The following ATCAY variants were observed in gnomAD, a reference collection of about 807,000 sequenced individuals.
ATCAY encodes ATCAY kinesin light chain interacting caytaxin.
ATCAY carries 22 observed loss-of-function variants against 47.7 expected under a neutral mutation model. The observed-to-expected ratio is 0.46, with a 90% CI of 0.33 to 0.66. The LOEUF (loss-of-function observed/expected upper bound fraction) is 0.66. Ranked by LOEUF, ATCAY falls within the 30% of genes least tolerant of loss-of-function variation. The probability of loss-of-function intolerance (pLI) is 0.02; values close to 1 mark genes in which losing one functional copy is unlikely to be tolerated. For missense variants in ATCAY, 452 were observed against 515.0 expected, an observed-to-expected ratio of 0.88 and a Z score of 1.18; for synonymous variants, 216 against 207.6, an observed-to-expected ratio of 1.04 and a Z score of -0.35.
At chr19:3,885,957 G>A in intron 2 of ATCAY, 113 bp downstream of exon 2, 1 of 1,034,128 alleles carries the variant, frequency 9.7e-7, no homozygotes, top group East Asian at 3.0e-5. Context: ...GGGCTGGCCT[G>A]GTTCCATCTC....
At chr19:3,911,159 G>A (rs997433115) in intron 8 of ATCAY, among the ~76,000 whole-genome samples, 9 of 152,074 alleles carry the variant, frequency 5.9e-5, no homozygotes, top group South Asian at 2.1e-4. Flanking sequence ...TGGGAGGATC[G>A]TTTGAGGCCA....
rs2038916098 is a variant in ATCAY at position 3,910,810 on chromosome 19, A to G, written c.787A>G (p.Lys263Glu). The G allele has an allele frequency of 6.2e-7, 1 of 1,613,854 alleles. No homozygotes were observed. The highest frequency in any genetic ancestry group is 2.2e-5 in the East Asian group (1 of 44,896). Residue 263 changes from lysine to glutamate, a missense_variant, in exon 8 of 13, where the codon AAA becomes GAA. Transcript: ENST00000450849. The stretch of plus-strand genomic sequence containing the variant: ...CTTTGCGGCCCCACACAGGTTGCGG[A>G]AAAACCTGAAGTCCTTGATCATCGT... ...CYQMIDRRLR[K>E]NLKSLIIVHP...
chr19:3,917,723 A>T lies in ATCAY; in HGVS notation c.966-19A>T. 1 of 1,613,454 alleles carries T rather than the reference A, an allele frequency of 6.2e-7. No individual in the cohort carries two copies. Among genetic ancestry groups the T allele is most frequent in the Non-Finnish European group, 8.5e-7 (1 of 1,179,646 alleles). ...AGGGGAAAGGAAGGTTGTGTCTGAC[A>T]TCTTTTTCTTTCTTTCAGATACGAA... On this transcript the variant is annotated intron_variant, in intron 9 of 12. Coordinates refer to ENST00000450849, the MANE Select transcript of ATCAY (RefSeq NM_033064.5).
chr19:3,906,436 G>A (rs73537494), intron 4 of ATCAY, among the ~76,000 whole-genome samples: 10,973 of 151,296 alleles, frequency 0.073, 1,371 homozygotes, highest in African/African-American at 0.25. Context: ...CCGAGTAGCT[G>A]GGATTACAGG....
intron 9 of ATCAY, among the ~76,000 whole-genome samples, chr19:3,914,362 A>G (rs999990233): frequency 6.6e-6 from 1 of 151,994 alleles, no homozygotes; most frequent in African/African-American, 2.4e-5. Context: ...TGTACAGGCA[A>G]ATTCCCCTTT....
chr19:3,900,895 C>CGTTT (rs1371488272), intron 2 of ATCAY, among the ~76,000 whole-genome samples: 5 of 92,252 alleles, frequency 5.4e-5, no homozygotes, highest in African/African-American at 2.4e-4. Context: ...TATCCTTCAT[C>CGTTT]TTTTTTTTTT....
chr19:3,888,451 G>A (rs1308098848), intron 2 of ATCAY, among the ~76,000 whole-genome samples: 1 of 151,876 alleles, frequency 6.6e-6, no homozygotes, highest in Non-Finnish European at 1.5e-5. Context: ...ACAACATGGT[G>A]AAACCCCGTC....
At position 3,924,812 on chromosome 19, in the gene ATCAY, A is replaced by T; in HGVS notation, c.*220A>T. The T allele has an allele frequency of 1.8e-6, 1 of 551,074 alleles. No individual in the cohort carries two copies. The highest frequency in any genetic ancestry group is 3.2e-6 in the Non-Finnish European group (1 of 309,114). The allele number at this position is 551,074 out of a possible 1,614,324, so 34.1% of individuals were successfully genotyped here. A position where few individuals can be genotyped will look rare whatever the true frequency, so the allele number is the denominator to read the frequency against. On this transcript the variant is annotated 3_prime_UTR_variant, in exon 13 of 13. Coordinates refer to ENST00000450849, the MANE Select transcript of ATCAY (RefSeq NM_033064.5). ...ACGATGCAGTATTTGTGCGTTCCAG[A>T]AAAGGGCCCAGCTCTGAGCCCCTCA...
rs748957456 is a variant in ATCAY, at chr19:3,908,306, G to A, written c.583G>A (p.Ala195Thr). 64 of 1,589,768 alleles carry A rather than the reference G, an allele frequency of 4.0e-5. No homozygotes were observed. Among genetic ancestry groups the A allele is most frequent in the Middle Eastern group, 1.7e-4 (1 of 6,058 alleles). Residue 195 changes from alanine to threonine, a missense_variant, in exon 6 of 13, where the codon GCA (alanine) becomes ACA (threonine). Ala to Thr is a moderately conservative substitution (Grantham distance 58). Coordinates refer to ENST00000450849, the MANE Select transcript of ATCAY (RefSeq NM_033064.5). ...AGGCCTCAACGCCATCATCGTCTTC[G>A]CAGCCTGCTTCCTTCCAGACAGCAG... ...GEGLNAIIVFAACFLPDSSLP... is the reference protein window; with the variant it reads ...GEGLNAIIVFTACFLPDSSLP...
At chr19:3,884,024 G>A (rs1029157844) in intron 1 of ATCAY, among the ~76,000 whole-genome samples, 3 of 151,988 alleles carry the variant, frequency 2.0e-5, no homozygotes, top group Non-Finnish European at 4.4e-5. Flanking sequence ...TGGGGGGTGG[G>A]GCGGCACAGT....
chr19:3,915,261 C>T (rs1425783151), intron 9 of ATCAY, among the ~76,000 whole-genome samples: 4 of 151,918 alleles, frequency 2.6e-5, no homozygotes, highest in Non-Finnish European at 2.9e-5. Flanking sequence ...CAACCTCCGC[C>T]TCCCGGGTTC....
At chr19:3,892,504 T>C (rs938849459) in intron 2 of ATCAY, among the ~76,000 whole-genome samples, 27 of 152,184 alleles carry the variant, frequency 1.8e-4, no homozygotes, top group Admixed American at 2.6e-4. Context: ...CCTGGCCTAT[T>C]TGATATACTT....
At chr19:3,921,663 C>T (rs538095624) in intron 12 of ATCAY, among the ~76,000 whole-genome samples, 2 of 151,964 alleles carry the variant, frequency 1.3e-5, no homozygotes, top group South Asian at 2.1e-4. Context: ...TTTGGGAGGC[C>T]GAGGCAGGTG....
At position 3,925,793 on chromosome 19, in the gene ATCAY, G is replaced by A. The variant is rs2039061774; in HGVS notation, c.*1201G>A. On this transcript the variant is annotated 3_prime_UTR_variant, in exon 13 of 13. Transcript: ENST00000450849. This position sits in a 1 kb window ranked among gnomAD's most constrained non-coding sequence, Gnocchi z 4.4. ...AGGCCGAGGCAGGCGGATCACCTGA[G>A]GTGAGGAGTTTGAGAACAGCCTGGC... is the stretch of plus-strand genomic sequence containing the variant. 1 of 152,198 alleles carries A rather than the reference G, an allele frequency of 6.6e-6. No individual in the cohort carries two copies. The highest frequency in any genetic ancestry group is 1.5e-5 in the Non-Finnish European group (1 of 68,066). 9.4% of individuals were successfully genotyped at this position (152,198 alleles called of 1,614,324 possible).
intron 9 of ATCAY, among the ~76,000 whole-genome samples, chr19:3,915,282 C>T (rs1328398455): frequency 1.3e-5 from 2 of 151,714 alleles, no homozygotes; most frequent in African/African-American, 4.8e-5. Flanking sequence ...AAGCGATTCT[C>T]CTGCCTCAGC....
In ATCAY at chr19:3,899,330, T is replaced by G. The variant is rs967029548; in HGVS notation, c.78-3157T>G. On this transcript the variant is annotated intron_variant, in intron 2 of 12. Transcript: ENST00000450849. The stretch of plus-strand genomic sequence containing the variant: ...AATCTTTTTTTTTTTTTTTTTTTTT[T>G]TGAGAGAGAGTCTCACTTTGTTGCC... Among the ~76,000 whole-genome samples the G allele has an allele frequency of 2.0e-3, 301 of 149,894 alleles. 2 individuals carry two copies. The highest frequency in any genetic ancestry group is 7.2e-3 in the African/African-American group (292 of 40,766).
At chr19:3,885,577 A>C in intron 1 of ATCAY, 150 bp from the exon 2 acceptor site, 1 of 516,712 alleles carries the variant, frequency 1.9e-6, no homozygotes, top group Admixed American at 3.4e-5. Flanking sequence ...AAGAAGGAGA[A>C]GGAGAGAGGA....
intron 12 of ATCAY, among the ~76,000 whole-genome samples, chr19:3,923,392 T>C (rs1240129458): frequency 4.6e-5 from 7 of 152,068 alleles, no homozygotes; most frequent in African/African-American, 1.7e-4. Context: ...AAAGAAGGAA[T>C]TGTAAGAAGC....
intron 5 of ATCAY, 82 bp from the exon 6 acceptor site, chr19:3,908,186 C>G: frequency 7.9e-7 from 1 of 1,262,536 alleles, no homozygotes; most frequent in South Asian, 1.3e-5. Flanking sequence ...GTGTGGGCAC[C>G]GGGACGTGGT....
Sources: gnomAD v4.1 joint callset for allele counts (sites outside exome capture counted in the v4.1 genomes callset) on GRCh38, gnomAD v4.1.1 for gene constraint, Gnocchi (gnomAD v3.1) non-coding constraint, MANE v1.5 for transcripts, NCBI Gene and HGNC (gene_info 2026-07-23, HGNC 2026-07-21) for gene names.